The following ATP10B variants were observed in gnomAD, a reference collection of about 807,000 sequenced individuals.
ATP10B encodes the protein phospholipid-transporting ATPase VB.
ATP10B carries 122 observed loss-of-function variants against 141.2 expected under a neutral mutation model. The ratio of observed to expected loss-of-function variants is 0.86; its 90% CI spans 0.75 to 1.00. The LOEUF is 1.00. ATP10B is among the 50% of genes least tolerant of loss of function. The probability of loss-of-function intolerance (pLI) is 0.00; values close to 1 mark genes in which losing one functional copy is unlikely to be tolerated. For synonymous variants in ATP10B, 685 were observed against 692.0 expected (o/e 0.99, Z 0.16); for missense variants, 1,876 against 1,825.3 (o/e 1.03, Z -0.51).
intron 14 of ATP10B, 77 bp downstream of exon 14, chr5:160,622,317 T>A (rs1561662480): frequency 1.4e-6 from 2 of 1,429,414 alleles, no homozygotes; most frequent in East Asian, 5.0e-5. Flanking sequence ...TGATCAGAAC[T>A]TCTCCCCTCG....
At chr5:160,924,864 G>C in the ATP10B span, among the ~76,000 whole-genome samples, 1 of 152,214 alleles carries the variant, frequency 6.6e-6, no homozygotes, top group Non-Finnish European at 1.5e-5. Context: ...TTGGGGAACA[G>C]TAGCTCCACT....
chr5:160,826,457 G>A lies in ATP10B; in HGVS notation c.-576+25484C>T, dbSNP rs756589465. ...TTAATCTCTTAATCCTTTTATCTTC[G>A]TAAGCTGAGGATGTACGTCTCCTCC... On this transcript the variant is annotated intron_variant, in intron 1 of 25. Transcript: ENST00000327245. 5.3e-5 allele frequency among the ~76,000 whole-genome samples: 8 copies of A among 152,010 alleles called. No individual in the cohort carries two copies. The South Asian group carries it at 6.2e-4, about 12-fold the overall frequency.
intron 9 of ATP10B, among the ~76,000 whole-genome samples, chr5:160,642,001 A>G (rs1759903686): frequency 1.3e-5 from 2 of 152,148 alleles, no homozygotes; most frequent in African/African-American, 4.8e-5. Context: ...GGATCCTGGG[A>G]CTATCCCCTT....
the ATP10B span, among the ~76,000 whole-genome samples, chr5:160,863,531 C>G: frequency 6.6e-6 from 1 of 152,006 alleles, no homozygotes; most frequent in East Asian, 1.9e-4. Flanking sequence ...AATAGACAAC[C>G]TAATCTCTCA....
chr5:160,575,547 T>G (rs1252570661), intron 24 of ATP10B, among the ~76,000 whole-genome samples: 1 of 152,150 alleles, frequency 6.6e-6, no homozygotes, highest in African/African-American at 2.4e-5. Context: ...GATACCCTCT[T>G]TGAGCCTCAA....
chr5:160,600,448 A>G lies in ATP10B; in HGVS notation c.3364-1478T>C, dbSNP rs148492830. ...TATTTATTATCTAGCTCTTTGAAGA[A>G]AAAGCTTCCTGAGACCTGATGTAGA... On this transcript the variant is annotated intron_variant, in intron 21 of 25. Transcript: ENST00000327245. 1.5e-4 allele frequency among the ~76,000 whole-genome samples: 23 copies of G among 152,352 alleles called. No individual in the cohort carries two copies. In the East Asian group the frequency reaches 3.3e-3, roughly 22 times the overall value.
At chr5:160,715,989 A>T (rs7737375) in intron 3 of ATP10B, among the ~76,000 whole-genome samples, 1 of 152,128 alleles carries the variant, frequency 6.6e-6, no homozygotes, top group South Asian at 2.1e-4. Flanking sequence ...GATTACAGGC[A>T]TGAGCCACCA....
intron 2 of ATP10B, among the ~76,000 whole-genome samples, chr5:160,766,298 C>G (rs922399580): frequency 2.0e-5 from 3 of 148,126 alleles, no homozygotes; most frequent in Non-Finnish European, 3.0e-5. Flanking sequence ...AAATACGGAA[C>G]CAGCCTAAAT....
the ATP10B span, among the ~76,000 whole-genome samples, chr5:160,862,927 C>T: frequency 6.6e-6 from 1 of 151,902 alleles, no homozygotes; most frequent in African/African-American, 2.4e-5. Context: ...ATATTGATTA[C>T]ATAACTATTT....
At chr5:160,824,017 G>A (rs1020342033) in intron 1 of ATP10B, among the ~76,000 whole-genome samples, 25 of 151,912 alleles carry the variant, frequency 1.6e-4, no homozygotes, top group African/African-American at 5.1e-4. Context: ...ACATAACCAT[G>A]TTTACACATT....
chr5:160,586,719 T>C (rs923394309), intron 24 of ATP10B, among the ~76,000 whole-genome samples: 3 of 152,268 alleles, frequency 2.0e-5, no homozygotes, highest in African/African-American at 7.2e-5. Flanking sequence ...ATTTCTCTAA[T>C]GATCAGTGAT....
chr5:160,806,552 C>T (rs1036689385), intron 1 of ATP10B, among the ~76,000 whole-genome samples: 4 of 152,176 alleles, frequency 2.6e-5, no homozygotes, highest in East Asian at 1.9e-4. Context: ...AGAACTTTGG[C>T]GAAGAGGTCT....
At chr5:160,844,759 G>A (rs555387116) in intron 1 of ATP10B, among the ~76,000 whole-genome samples, 6 of 152,046 alleles carry the variant, frequency 3.9e-5, no homozygotes, top group Non-Finnish European at 1.5e-5. Flanking sequence ...TGGCCAGGCT[G>A]GTCTTGAACT....
At chr5:160,812,018 G>GAC (rs1252990602) in intron 1 of ATP10B, among the ~76,000 whole-genome samples, 791 of 52,300 alleles carry the variant, frequency 0.015, 2 homozygotes, top group Middle Eastern at 0.06. Context: ...CAGAGACAGA[G>GAC]ACAGAGAGAG....
intron 2 of ATP10B, among the ~76,000 whole-genome samples, chr5:160,755,687 C>T (rs552766542): frequency 2.0e-4 from 30 of 147,696 alleles, no homozygotes; most frequent in Non-Finnish European, 3.5e-4. Context: ...TAGTGGCGGG[C>T]GCCTGTAGTC....
chr5:160,744,250 C>G (rs1767660165), intron 2 of ATP10B, among the ~76,000 whole-genome samples: 1 of 152,168 alleles, frequency 6.6e-6, no homozygotes, highest in Non-Finnish European at 1.5e-5. Flanking sequence ...GAAACACCCT[C>G]TGGCCTGAGG....
chr5:160,862,057 G>C, the ATP10B span, among the ~76,000 whole-genome samples: 15 of 152,018 alleles, frequency 9.9e-5, no homozygotes, highest in Non-Finnish European at 2.2e-4. Flanking sequence ...GAAATATCCA[G>C]CCTCATACAT....
chr5:160,809,860 T>C (rs1195765428), intron 1 of ATP10B, among the ~76,000 whole-genome samples: 2 of 152,214 alleles, frequency 1.3e-5, no homozygotes, highest in African/African-American at 2.4e-5. Flanking sequence ...CTATTCATTC[T>C]ATTTTCTTTA....
At position 160,640,601 on chromosome 5, in the gene ATP10B, G is replaced by T; in HGVS notation, c.869-9C>A. 6.2e-7 allele frequency: 1 copy of T among 1,613,750 alleles called. No individual in the cohort carries two copies. Among genetic ancestry groups the T allele is most frequent in the South Asian group, 1.1e-5 (1 of 91,028 alleles). ...GGCTTTCGTCTCATGGCCTTTGAGA[G>T]AAAATGAGGAAATCAGTCCCTTAGT... On this transcript the variant is annotated splice_polypyrimidine_tract_variant and intron_variant, in intron 9 of 25. Transcript: ENST00000327245.
Sources: gnomAD v4.1 joint callset for allele counts (sites outside exome capture counted in the v4.1 genomes callset) on GRCh38, gnomAD v4.1.1 for gene constraint, MANE v1.5 for transcripts, NCBI Gene and HGNC (gene_info 2026-07-23, HGNC 2026-07-21) for gene names.